WEE2: variants seen among roughly 807,000 people sequenced by gnomAD.
The protein encoded by WEE2 is wee1-like protein kinase 2.
WEE2 carries 50 observed loss-of-function variants against 60.1 expected under a neutral mutation model. The observed-to-expected ratio is 0.83, with a 90% CI of 0.66 to 1.05. WEE2 has a LOEUF of 1.05. Ranked by LOEUF, WEE2 falls within the 50% of genes least tolerant of loss-of-function variation. The pLI, the probability that WEE2 is intolerant of heterozygous loss-of-function variation, is 0.00. For missense variants in WEE2, 631 were observed against 684.3 expected (o/e 0.92, Z 0.87); for synonymous variants, 240 against 241.0 (o/e 1.00, Z 0.04).
chr7:141,730,175 A>C (rs1799112916), intron 11 of WEE2, 120 bp from the exon 12 acceptor site: 8 of 796,368 alleles, frequency 1.0e-5, no homozygotes, highest in South Asian at 8.7e-5. Flanking sequence ...AAAGCTAGTA[A>C]GGCTTTGTCT....
rs1281294483 is a variant in WEE2, at chr7:141,708,907, A to T, written c.149A>T (p.Glu50Val). The change falls in exon 1 of 12, where the codon GAG becomes GTG. Residue 50 changes from glutamate to valine, a missense_variant. By Grantham distance (121) the Glu-to-Val change is moderately radical (BLOSUM62 -2). Coordinates refer to ENST00000397541, the MANE Select transcript of WEE2 (RefSeq NM_001105558.1). ...TPEKGEVQDS[E>V]AKGTPPWTPL... is the part of the protein sequence containing the mutation. Reference sequence around the variant, plus strand: ...GAGAAGGGTGAAGTGCAGGATTCAGAGGCAAAGGGTACACCACCTTGGACT... The same window carrying T: ...GAGAAGGGTGAAGTGCAGGATTCAGTGGCAAAGGGTACACCACCTTGGACT... The T allele has an allele frequency of 6.2e-6, 10 of 1,614,212 alleles. No individual in the cohort carries two copies. Among genetic ancestry groups the T allele is most frequent in the Non-Finnish European group, 8.5e-6 (10 of 1,180,032 alleles).
intron 5 of WEE2, among the ~76,000 whole-genome samples, chr7:141,721,603 CACCTGCCA>C (rs1439042418): frequency 2.0e-5 from 3 of 152,034 alleles, no homozygotes; most frequent in African/African-American, 7.2e-5. Context: ...GGATTACAGA[CACCTGCCA>C]CCATGCCTGG....
intron 5 of WEE2, among the ~76,000 whole-genome samples, chr7:141,721,291 A>G (rs1316387144): frequency 6.6e-6 from 1 of 152,100 alleles, no homozygotes; most frequent in African/African-American, 2.4e-5. Flanking sequence ...AGTTCAGAAA[A>G]TATTTATTCC....
At chr7:141,717,653 CAT>C (rs1258564719) in intron 3 of WEE2, among the ~76,000 whole-genome samples, 2 of 152,322 alleles carry the variant, frequency 1.3e-5, no homozygotes, top group East Asian at 3.9e-4. Context: ...TGTGAATATA[CAT>C]ATGCGTGTAT....
chr7:141,730,193 G>A, intron 11 of WEE2, 102 bp from the exon 12 acceptor site: 6 of 1,022,858 alleles, frequency 5.9e-6, no homozygotes, highest in Non-Finnish European at 7.1e-6. Flanking sequence ...TCTTCTCAAG[G>A]GTCCCAGACA....
chr7:141,725,569 G>A (rs1798999974), intron 9 of WEE2, among the ~76,000 whole-genome samples: 1 of 149,048 alleles, frequency 6.7e-6, no homozygotes, highest in South Asian at 2.1e-4. Context: ...AGCTTGCAGT[G>A]AGCCAAGACC....
Position 141,724,197 on chromosome 7 carries a change from G to A in WEE2, c.1143G>A (p.Leu381=), listed in dbSNP as rs751782234. The A allele has an allele frequency of 9.9e-6, 16 of 1,610,136 alleles. No homozygotes were observed. The highest frequency in any genetic ancestry group is 1.6e-4 in the Middle Eastern group (1 of 6,066). ...CCTTTTTCTTTTTTTTAGGTGACCT[G>A]GGCCACGCAACATCAATAAACAAAC... ...SANVMYKIGD[L]GHATSINKPK... The change falls in exon 8 of 12, where the codon CTG becomes CTA. Residue 381 remains leucine, a synonymous_variant. Coordinates refer to ENST00000397541, the MANE Select transcript of WEE2 (RefSeq NM_001105558.1).
intron 3 of WEE2, among the ~76,000 whole-genome samples, chr7:141,717,597 T>G (rs1798828627): frequency 6.6e-6 from 1 of 152,220 alleles, no homozygotes; most frequent in Non-Finnish European, 1.5e-5. Context: ...AATTAGAAGC[T>G]ATGAGATATA....
intron 6 of WEE2, 133 bp downstream of exon 6, chr7:141,723,413 T>C (rs1798954118): frequency 2.0e-6 from 2 of 1,018,228 alleles, no homozygotes; most frequent in East Asian, 5.0e-5. Context: ...CCATTTGTGT[T>C]CCTTAAAAAA....
chr7:141,730,499 A>C lies in WEE2; in HGVS notation c.*179A>C. 1 of 581,174 alleles carries C rather than the reference A, an allele frequency of 1.7e-6. No individual in the cohort carries two copies. The highest frequency in any genetic ancestry group is 3.1e-6 in the Non-Finnish European group (1 of 325,590). The allele number at this position is 581,174 out of a possible 1,614,324, so 36.0% of individuals were successfully genotyped here. ...ATTTCCACAGCGCTTCCCAGGTTATATGATGCTGTTCCTAAGAGAGAATTC... is the reference window on the plus strand; with the variant it reads ...ATTTCCACAGCGCTTCCCAGGTTATCTGATGCTGTTCCTAAGAGAGAATTC... On this transcript the variant is annotated 3_prime_UTR_variant, in exon 12 of 12. Transcript: ENST00000397541.
At position 141,709,517 on chromosome 7, in the gene WEE2, CCTAGT is replaced by C. The variant is rs542118789; in HGVS notation, c.342+421_342+425del. Among the ~76,000 whole-genome samples, 58 of 152,282 alleles carry C rather than the reference CCTAGT, an allele frequency of 3.8e-4. No individual in the cohort carries two copies. The South Asian group carries it at 0.011, about 30-fold the overall frequency. On this transcript the variant is annotated intron_variant, in intron 1 of 11. Transcript: ENST00000397541. ...AGGACTAGAAACCTGATCTTTTTGG[CCTAGT>C]CTATTGTTCTTTCCATTACGCCAAC... is the stretch of plus-strand genomic sequence containing the variant.
In WEE2 at chr7:141,708,509, T is replaced by C. The variant is rs929516509; in HGVS notation, c.-250T>C. 1 of 540,570 alleles carries C rather than the reference T, an allele frequency of 1.8e-6. No individual in the cohort carries two copies. Among genetic ancestry groups the C allele is most frequent in the African/African-American group, 1.9e-5 (1 of 53,112 alleles). The allele number at this position is 540,570 out of a possible 1,614,324, so 33.5% of individuals were successfully genotyped here. Reference sequence around the variant, plus strand: ...AGTTCTGTACATGAACTGCATTTAATTGCTCCGAGAGTCACTGGAGCTTTC... The same window carrying C: ...AGTTCTGTACATGAACTGCATTTAACTGCTCCGAGAGTCACTGGAGCTTTC... On this transcript the variant is annotated 5_prime_UTR_variant, in exon 1 of 12. Coordinates refer to ENST00000397541, the MANE Select transcript of WEE2 (RefSeq NM_001105558.1).
chr7:141,730,284 T>C lies in WEE2; in HGVS notation c.1679-11T>C. The stretch of plus-strand genomic sequence containing the variant: ...AATAACTTATTTACTTCTCACACTT[T>C]TGATGAACAGCAGGAGAGCGTGAGC... On this transcript the variant is annotated splice_polypyrimidine_tract_variant and intron_variant, in intron 11 of 11. Coordinates refer to ENST00000397541, the MANE Select transcript of WEE2 (RefSeq NM_001105558.1). 2 of 1,613,090 alleles carry C rather than the reference T, an allele frequency of 1.2e-6. No homozygotes were observed. Among genetic ancestry groups the C allele is most frequent in the South Asian group, 1.1e-5 (1 of 90,792 alleles).
intron 1 of WEE2, among the ~76,000 whole-genome samples, chr7:141,710,263 C>T (rs1798690007): frequency 1.3e-5 from 2 of 152,078 alleles, no homozygotes; most frequent in African/African-American, 4.8e-5. Context: ...TAAGTGTGGT[C>T]AGAACCCGCT....
Position 141,721,003 on chromosome 7 carries a change from A to G in WEE2, c.827A>G (p.Tyr276Cys), listed in dbSNP as rs771312749. ...LGHHPHVVRY[Y>C]SSWAEDDHMI... is the part of the protein sequence containing the mutation. ...CATCACCCCCATGTGGTACGTTACT[A>G]TTCCTCATGGGCAGAAGATGACCAC... The change falls in exon 5 of 12, where the codon TAT becomes TGT. Residue 276 changes from tyrosine (Y) to cysteine (C), a missense_variant. Tyr to Cys is a radical substitution (Grantham distance 194, BLOSUM62 -2). Transcript: ENST00000397541. The G allele has an allele frequency of 1.8e-5, 29 of 1,613,976 alleles. No homozygotes were observed. Among genetic ancestry groups the G allele is most frequent in the Non-Finnish European group, 2.5e-5 (29 of 1,179,956 alleles).
intron 3 of WEE2, among the ~76,000 whole-genome samples, chr7:141,718,484 T>A (rs1798847134): frequency 6.6e-6 from 1 of 152,176 alleles, no homozygotes; most frequent in Non-Finnish European, 1.5e-5. Context: ...GGGCAATGAA[T>A]GATGTTGCTA....
chr7:141,719,050 C>T (rs750844804), intron 3 of WEE2, 22 bp from the exon 4 acceptor site: 3 of 1,605,976 alleles, frequency 1.9e-6, no homozygotes, highest in Non-Finnish European at 1.7e-6. Context: ...ACTCTAATTT[C>T]CTTTTTATTA....
At chr7:141,728,708 GTC>G (rs1482119558) in intron 10 of WEE2, among the ~76,000 whole-genome samples, 2 of 151,824 alleles carry the variant, frequency 1.3e-5, no homozygotes, top group African/African-American at 2.4e-5. Flanking sequence ...ACCAGTACCA[GTC>G]TGTGGCCTGT....
At position 141,725,362 on chromosome 7, in the gene WEE2, C is replaced by T. The variant is rs187719781; in HGVS notation, c.1392+166C>T. 5.1e-4 allele frequency among the ~76,000 whole-genome samples: 78 copies of T among 152,238 alleles called. 1 individual carries two copies. Among genetic ancestry groups the T allele is most frequent in the African/African-American group, 1.9e-3 (77 of 41,540 alleles). ...AGGGGCGGGTCCAGGCATGGTGGCT[C>T]ACACCTGTAATCTCAGCACTTTGGG... On this transcript the variant is annotated intron_variant, in intron 9 of 11. Coordinates refer to ENST00000397541, the MANE Select transcript of WEE2 (RefSeq NM_001105558.1).
Sources: allele counts gnomAD v4.1 joint callset (sites outside exome capture counted in the v4.1 genomes callset), GRCh38; gene constraint gnomAD v4.1.1; transcripts MANE v1.5; gene names NCBI Gene and HGNC (gene_info 2026-07-23, HGNC 2026-07-21).